PRKAR2B: variants seen among roughly 807,000 people sequenced by gnomAD.
PRKAR2B encodes the protein cAMP-dependent protein kinase type II-beta regulatory subunit.
PRKAR2B carries 14 observed loss-of-function variants against 49.9 expected under a neutral mutation model. That is an observed-to-expected ratio of 0.28 (90% confidence interval 0.19 to 0.44). The LOEUF is 0.44. Ranked by LOEUF, PRKAR2B falls within the 20% of genes least tolerant of loss-of-function variation. PRKAR2B has a pLI of 1.00. For missense variants in PRKAR2B, 393 were observed against 537.9 expected, an observed-to-expected ratio of 0.73 and a Z score of 2.67; for synonymous variants, 196 against 197.7, an observed-to-expected ratio of 0.99 and a Z score of 0.07.
At chr7:107,091,850 A>T (rs1794737372) in intron 2 of PRKAR2B, 1 of 152,136 alleles carries the variant, frequency 6.6e-6, no homozygotes, top group African/African-American at 2.4e-5. Context: ...TCACCCATGT[A>T]AGATGCGAAT....
At chr7:107,099,098 A>G (rs1794905121) in intron 2 of PRKAR2B, among the ~76,000 whole-genome samples, 1 of 152,222 alleles carries the variant, frequency 6.6e-6, no homozygotes, top group Non-Finnish European at 1.5e-5. Context: ...TTGTTCAGCT[A>G]TGCCCTGCTG....
At chr7:107,045,304 G>A in intron 1 of PRKAR2B, 90 bp downstream of exon 1, 2 of 1,124,426 alleles carry the variant, frequency 1.8e-6, no homozygotes, top group Non-Finnish European at 2.4e-6. Flanking sequence ...GCCGCTTTGC[G>A]CACCCACCTC....
intron 3 of PRKAR2B, among the ~76,000 whole-genome samples, chr7:107,127,590 T>G (rs1200775944): frequency 2.0e-5 from 3 of 152,256 alleles, no homozygotes; most frequent in African/African-American, 7.2e-5. Flanking sequence ...TGGACTCTTT[T>G]TCCCTGGAAC....
intron 3 of PRKAR2B, among the ~76,000 whole-genome samples, chr7:107,123,179 G>C (rs1000688337): frequency 1.3e-5 from 2 of 152,128 alleles, no homozygotes; most frequent in African/African-American, 4.8e-5. Context: ...AGATGAGCTG[G>C]TTTAAATTAA....
Position 107,044,845 on chromosome 7 carries a change from C to T in PRKAR2B, c.-63C>T. Reference sequence around the variant, plus strand: ...AGGCGCTCGCTCGGCAGCCGCGGGGCCCTAGGCCGTGCCGGGGAGGGGGCG... The same window carrying T: ...AGGCGCTCGCTCGGCAGCCGCGGGGTCCTAGGCCGTGCCGGGGAGGGGGCG... On this transcript the variant is annotated 5_prime_UTR_variant, in exon 1 of 11. Transcript: ENST00000265717. The T allele has an allele frequency of 6.9e-7, 1 of 1,453,010 alleles. No individual in the cohort carries two copies. Among genetic ancestry groups the T allele is most frequent in the Non-Finnish European group, 9.2e-7 (1 of 1,089,758 alleles). The allele number at this position is 1,453,010 out of a possible 1,614,324, so 90.0% of individuals were successfully genotyped here.
intron 1 of PRKAR2B, among the ~76,000 whole-genome samples, chr7:107,063,143 A>G (rs7795714): frequency 0.035 from 5,352 of 152,214 alleles, 141 homozygotes; most frequent in Middle Eastern, 0.088. Context: ...ATCTGGGACT[A>G]CAGGTGTGCA....
At chr7:107,056,083 C>T (rs1446310550) in intron 1 of PRKAR2B, among the ~76,000 whole-genome samples, 2 of 152,170 alleles carry the variant, frequency 1.3e-5, no homozygotes, top group African/African-American at 4.8e-5. Flanking sequence ...ATCCTTTCCC[C>T]ATTGCTTGTT....
intron 5 of PRKAR2B, among the ~76,000 whole-genome samples, chr7:107,144,404 C>T (rs545019844): frequency 6.6e-6 from 1 of 151,618 alleles, no homozygotes; most frequent in Admixed American, 6.6e-5. Flanking sequence ...CAATTATTTT[C>T]TTCTGTCTAT....
chr7:107,130,988 A>G (rs1167445578), intron 4 of PRKAR2B, among the ~76,000 whole-genome samples: 2 of 152,164 alleles, frequency 1.3e-5, no homozygotes, highest in Admixed American at 6.5e-5. Flanking sequence ...TAAAATGCAG[A>G]TTTGGATTCT....
At chr7:107,138,412 C>A (rs191410736) in intron 4 of PRKAR2B, among the ~76,000 whole-genome samples, 1 of 152,240 alleles carries the variant, frequency 6.6e-6, no homozygotes, top group Admixed American at 6.5e-5. Flanking sequence ...CTAAAAAATT[C>A]TATTTTATTT....
intron 1 of PRKAR2B, among the ~76,000 whole-genome samples, chr7:107,065,162 C>A (rs2244846): frequency 0.64 from 97,003 of 152,108 alleles, 32,219 homozygotes; most frequent in African/African-American, 0.83. Flanking sequence ...GATTAATGGG[C>A]GGATAAGGAT....
intron 6 of PRKAR2B, among the ~76,000 whole-genome samples, chr7:107,148,322 C>T (rs927186142): frequency 3.3e-5 from 5 of 152,184 alleles, no homozygotes; most frequent in African/African-American, 9.7e-5. Flanking sequence ...CCTCCTTGCA[C>T]ATCTTCAGAA....
At chr7:107,071,700 C>T (rs1214325601) in intron 2 of PRKAR2B, among the ~76,000 whole-genome samples, 3 of 152,110 alleles carry the variant, frequency 2.0e-5, no homozygotes, top group Non-Finnish European at 4.4e-5. Flanking sequence ...AAATAATCAC[C>T]ATTTCTACCT....
chr7:107,150,125 G>A (rs1355604297), intron 6 of PRKAR2B, among the ~76,000 whole-genome samples: 1 of 151,970 alleles, frequency 6.6e-6, no homozygotes, highest in Non-Finnish European at 1.5e-5. Context: ...CATAATTATT[G>A]AGGCTTTTAT....
intron 3 of PRKAR2B, among the ~76,000 whole-genome samples, chr7:107,124,401 G>A (rs994015512): frequency 1.3e-5 from 2 of 152,202 alleles, no homozygotes; most frequent in Non-Finnish European, 2.9e-5. Context: ...GGAGCTTACA[G>A]TCTAGTGGCA....
chr7:107,138,127 A>C (rs1795731264), intron 4 of PRKAR2B, among the ~76,000 whole-genome samples: 2 of 150,870 alleles, frequency 1.3e-5, no homozygotes, highest in South Asian at 4.2e-4. Flanking sequence ...AATTTTTTTA[A>C]CTCTTTTATT....
intron 7 of PRKAR2B, among the ~76,000 whole-genome samples, chr7:107,151,927 C>T (rs1472311352): frequency 6.6e-6 from 1 of 152,244 alleles, no homozygotes; most frequent in African/African-American, 2.4e-5. Context: ...TATATTGATG[C>T]TTCTTAAAAT....
chr7:107,083,957 G>A (rs1335948170), intron 2 of PRKAR2B, among the ~76,000 whole-genome samples: 1 of 152,120 alleles, frequency 6.6e-6, no homozygotes, highest in African/African-American at 2.4e-5. Flanking sequence ...TAGACTAGTA[G>A]GACCGTCACA....
At chr7:107,065,397 C>T (rs1794119929) in intron 1 of PRKAR2B, among the ~76,000 whole-genome samples, 1 of 148,838 alleles carries the variant, frequency 6.7e-6, no homozygotes, top group Admixed American at 6.8e-5. Flanking sequence ...CAGATCACAG[C>T]TCAGGGCTCT....
Sources: gnomAD v4.1 joint callset for allele counts (sites outside exome capture counted in the v4.1 genomes callset) on GRCh38, gnomAD v4.1.1 for gene constraint, MANE v1.5 for transcripts, NCBI Gene and HGNC (gene_info 2026-07-23, HGNC 2026-07-21) for gene names.